ROCK1: variants seen among roughly 807,000 people sequenced by gnomAD.
The protein encoded by ROCK1 is Rho associated coiled-coil containing protein kinase 1, also known as rho-associated protein kinase 1.
ROCK1 carries 36 observed loss-of-function variants against 196.8 expected under a neutral mutation model. The observed-to-expected ratio is 0.18, with a 90% CI of 0.14 to 0.24. ROCK1 has a LOEUF of 0.24. Among genes scored for constraint, ROCK1 ranks in the 10% least tolerant of loss-of-function variants. The pLI, the probability that ROCK1 is intolerant of heterozygous loss-of-function variation, is 1.00. For synonymous variants in ROCK1, 443 were observed against 515.9 expected, an observed-to-expected ratio of 0.86 and a Z score of 1.91; for missense variants, 920 against 1,562.0, an observed-to-expected ratio of 0.59 and a Z score of 6.93.
intron 2 of ROCK1, among the ~76,000 whole-genome samples, chr18:21,064,851 T>C (rs549765864): frequency 1.9e-4 from 29 of 152,250 alleles, no homozygotes; most frequent in Non-Finnish European, 3.8e-4. Context: ...TGATTACATT[T>C]TCTAAGCTTG....
intron 2 of ROCK1, among the ~76,000 whole-genome samples, chr18:21,057,835 A>G (rs2036256619): frequency 6.6e-6 from 1 of 152,184 alleles, no homozygotes; most frequent in South Asian, 2.1e-4. Flanking sequence ...AAAAAATTAA[A>G]TTAAATTAAA....
rs567161771 is a variant in ROCK1, at chr18:20,951,430, A to G, written c.4062-43T>C. On this transcript the variant is annotated intron_variant, in intron 32 of 32. Transcript: ENST00000399799. ...AAAAACTAATTTAAGAAATGCACTC[A>G]GTTTAAAAATACAAGAAACAAACAT... The G allele has an allele frequency of 3.8e-5, 58 of 1,541,376 alleles. 1 individual carries two copies. In the East Asian group the frequency reaches 1.2e-3, roughly 33 times the overall value.
intron 1 of ROCK1, among the ~76,000 whole-genome samples, chr18:21,107,954 C>T (rs1402830243): frequency 6.6e-6 from 1 of 151,962 alleles, no homozygotes; most frequent in Non-Finnish European, 1.5e-5. Context: ...CTCGTGGGGG[C>T]TGAGGCAGGA....
chr18:20,992,772 A>T lies in ROCK1; in HGVS notation c.1992+59T>A, dbSNP rs191431673. 58 of 962,622 alleles carry T rather than the reference A, an allele frequency of 6.0e-5. No homozygotes were observed. The African/African-American group carries it at 7.5e-4, about 12-fold the overall frequency. 59.6% of individuals were successfully genotyped at this position (962,622 alleles called of 1,614,324 possible). On this transcript the variant is annotated intron_variant, in intron 17 of 32. Transcript: ENST00000399799. ...ATGCTATTTTATAAAACCACCTAGT[A>T]GTCTATGATAATCAGTAATTACTAT... is the stretch of plus-strand genomic sequence containing the variant.
chr18:21,066,260 T>C (rs1284357510), intron 2 of ROCK1, among the ~76,000 whole-genome samples: 3 of 152,164 alleles, frequency 2.0e-5, no homozygotes, highest in East Asian at 3.8e-4. Context: ...GTTATGTTTA[T>C]TTACACTTAT....
intron 10 of ROCK1, among the ~76,000 whole-genome samples, chr18:21,025,498 G>A (rs2035948145): frequency 6.6e-6 from 1 of 152,160 alleles, no homozygotes; most frequent in Non-Finnish European, 1.5e-5. Flanking sequence ...GCCAAGGTGG[G>A]TGGATCACTT....
rs143438847 is a variant in ROCK1, at chr18:21,007,751, T to G, written c.1546+308A>C. Among the ~76,000 whole-genome samples, 665 of 152,240 alleles carry G rather than the reference T, an allele frequency of 4.4e-3. 30 individuals carry two copies. Among genetic ancestry groups the G allele is most frequent in the Admixed American group, 0.031 (481 of 15,292 alleles). On this transcript the variant is annotated intron_variant, in intron 14 of 32. Coordinates refer to ENST00000399799, the MANE Select transcript of ROCK1 (RefSeq NM_005406.3). The stretch of plus-strand genomic sequence containing the variant: ...TACTCAGGCCACATATCTAGACCAA[T>G]TAAATTAGAATCGCTGGGATTTAGG...
chr18:21,067,149 T>C (rs1162091771), intron 2 of ROCK1, among the ~76,000 whole-genome samples: 2 of 152,170 alleles, frequency 1.3e-5, no homozygotes, highest in East Asian at 1.9e-4. Flanking sequence ...ATTGTGGCCA[T>C]AATTTGCAAC....
intron 25 of ROCK1, 38 bp downstream of exon 25, chr18:20,968,734 A>C: frequency 8.0e-7 from 1 of 1,252,234 alleles, no homozygotes; most frequent in Non-Finnish European, 1.2e-6. Context: ...TGATTAACTC[A>C]AAAATGAACA....
intron 2 of ROCK1, among the ~76,000 whole-genome samples, chr18:21,056,424 C>A (rs780499358): frequency 6.6e-6 from 1 of 152,156 alleles, no homozygotes; most frequent in Non-Finnish European, 1.5e-5. Context: ...ATTCTTGACT[C>A]CTTTTTTTCT....
intron 22 of ROCK1, among the ~76,000 whole-genome samples, chr18:20,971,152 G>C (rs952330000): frequency 6.6e-6 from 1 of 152,078 alleles, no homozygotes; most frequent in Non-Finnish European, 1.5e-5. Flanking sequence ...GCCTCTCTTG[G>C]ATAAGCTCTC....
At chr18:20,959,040 A>AAT (rs1376289380) in intron 29 of ROCK1, among the ~76,000 whole-genome samples, 761 of 57,328 alleles carry the variant, frequency 0.013, 100 homozygotes, top group African/African-American at 0.1. Flanking sequence ...TATTTTATAT[A>AAT]ATATATAATA....
chr18:20,968,030 C>T, intron 25 of ROCK1, 90 bp from the exon 26 acceptor site: 3 of 1,184,054 alleles, frequency 2.5e-6, no homozygotes, highest in East Asian at 2.7e-5. Flanking sequence ...GGAAGCAGGA[C>T]TTTCTGTGTG....
intron 26 of ROCK1, among the ~76,000 whole-genome samples, 164 bp from the exon 27 acceptor site, chr18:20,967,240 T>C (rs974262145): frequency 6.6e-6 from 1 of 152,236 alleles, no homozygotes; most frequent in Non-Finnish European, 1.5e-5. Flanking sequence ...TCAAGTTCTT[T>C]CTCAGTAATA....
At position 20,948,000 on chromosome 18, in the gene ROCK1, C is replaced by G. The variant is rs2035145868; in HGVS notation, c.*3384G>C. The G allele has an allele frequency of 6.6e-6, 1 of 151,992 alleles. No individual in the cohort carries two copies. The highest frequency in any genetic ancestry group is 6.6e-5 in the Admixed American group (1 of 15,260). 9.4% of individuals were successfully genotyped at this position (151,992 alleles called of 1,614,324 possible). ...TGGTGGGCACCTGTAATCCCAGCTACTCGGGAGTCTGAGGCAGGAGGATCA... is the reference window on the plus strand; with the variant it reads ...TGGTGGGCACCTGTAATCCCAGCTAGTCGGGAGTCTGAGGCAGGAGGATCA... On this transcript the variant is annotated 3_prime_UTR_variant, in exon 33 of 33. Coordinates refer to ENST00000399799, the MANE Select transcript of ROCK1 (RefSeq NM_005406.3).
At position 20,959,896 on chromosome 18, in the gene ROCK1, G is replaced by C. The variant is rs747273665; in HGVS notation, c.3456C>G (p.Phe1152Leu). 1 of 1,610,626 alleles carries C rather than the reference G, an allele frequency of 6.2e-7. No individual in the cohort carries two copies. The highest frequency in any genetic ancestry group is 8.5e-7 in the Non-Finnish European group (1 of 1,177,842). The change falls in exon 29 of 33, where the codon TTC (phenylalanine) becomes TTG (leucine). Residue 1152 changes from phenylalanine to leucine, a missense_variant. Transcript: ENST00000399799. ...YVVVSSKKILFYNDEQDKEQS... is the reference protein window; with the variant it reads ...YVVVSSKKILLYNDEQDKEQS... The stretch of plus-strand genomic sequence containing the variant: ...GCTCCTTATCTTGTTCGTCATTATA[G>C]AACAAAATTTTTTTGCTGCTTACCA...
chr18:21,017,180 ACACTT>A (rs1304574207), intron 12 of ROCK1, among the ~76,000 whole-genome samples: 2 of 130,778 alleles, frequency 1.5e-5, no homozygotes, highest in Non-Finnish European at 3.2e-5. Context: ...AACACATACC[ACACTT>A]CTTTTTTTTT....
intron 27 of ROCK1, among the ~76,000 whole-genome samples, chr18:20,961,962 T>C (rs1261525741): frequency 6.6e-6 from 1 of 152,048 alleles, no homozygotes; most frequent in East Asian, 1.9e-4. Flanking sequence ...GAAGTAATTA[T>C]TTTGTTGCTT....
chr18:21,071,795 A>G (rs572610811), intron 1 of ROCK1, among the ~76,000 whole-genome samples: 1 of 152,366 alleles, frequency 6.6e-6, no homozygotes, highest in East Asian at 1.9e-4. Flanking sequence ...AAAGAAAAAA[A>G]TAGTATATTT....
Sources: gnomAD v4.1 joint callset for allele counts (sites outside exome capture counted in the v4.1 genomes callset) on GRCh38, gnomAD v4.1.1 for gene constraint, MANE v1.5 for transcripts, NCBI Gene and HGNC (gene_info 2026-07-23, HGNC 2026-07-21) for gene names.